Variants in ABCD2 observed in about 807,000 individuals in gnomAD.
ABCD2 encodes the protein ATP binding cassette subfamily D member 2.
Under a neutral mutation model 70.9 loss-of-function variants are expected in ABCD2, and 36 were observed. The observed-to-expected ratio is 0.51, with a 90% CI of 0.39 to 0.67. The LOEUF (loss-of-function observed/expected upper bound fraction) is 0.67. Among genes scored for constraint, ABCD2 ranks in the 30% least tolerant of loss-of-function variants. The pLI, the probability that ABCD2 is intolerant of heterozygous loss-of-function variation, is 0.00. For synonymous variants in ABCD2, 304 were observed against 306.9 expected (o/e 0.99, Z 0.10); for missense variants, 729 against 890.2 (o/e 0.82, Z 2.30).
chr12:39,577,298 T>C (rs1941532711), intron 8 of ABCD2, among the ~76,000 whole-genome samples: 1 of 152,210 alleles, frequency 6.6e-6, no homozygotes, highest in South Asian at 2.1e-4. Flanking sequence ...TTATGCTATG[T>C]TCTTATTCAA....
chr12:39,545,778 C>CT (rs1941020240), downstream of ABCD2, among the ~76,000 whole-genome samples: 1 of 152,064 alleles, frequency 6.6e-6, no homozygotes. Flanking sequence ...GGAAAGACCT[C>CT]TTTATGGTCA....
At chr12:39,568,522 A>T (rs2120576323) in intron 9 of ABCD2, among the ~76,000 whole-genome samples, 1 of 152,024 alleles carries the variant, frequency 6.6e-6, no homozygotes. Context: ...CTAGCTAGCC[A>T]TTCGTCTAAT....
rs368287634 is a variant in ABCD2, at chr12:39,575,224, T to C, written c.1878-1383A>G. 3.3e-5 allele frequency among the ~76,000 whole-genome samples: 5 copies of C among 152,280 alleles called. No individual in the cohort carries two copies. The East Asian group carries it at 9.6e-4, about 29-fold the overall frequency. On this transcript the variant is annotated intron_variant, in intron 8 of 9. Coordinates refer to ENST00000308666, the MANE Select transcript of ABCD2 (RefSeq NM_005164.4). ...TTTTGGCTTATTTTTCAGAGTGCCTTGATCGAAACAGAGAAAATATACCAT... is the reference window on the plus strand; with the variant it reads ...TTTTGGCTTATTTTTCAGAGTGCCTCGATCGAAACAGAGAAAATATACCAT...
At chr12:39,592,529 A>C (rs1249050908) in intron 6 of ABCD2, among the ~76,000 whole-genome samples, 2 of 152,220 alleles carry the variant, frequency 1.3e-5, no homozygotes, top group Non-Finnish European at 2.9e-5. Context: ...AATCTATAAA[A>C]GTTTGTTCAA....
rs75959957 is a variant in ABCD2, at chr12:39,616,601, G to T, written c.1120+387C>A. Among the ~76,000 whole-genome samples, 539 of 152,156 alleles carry T rather than the reference G, an allele frequency of 3.5e-3. 4 individuals are homozygous for T. The highest frequency in any genetic ancestry group is 0.027 in the East Asian group (139 of 5,166). ...AGAATATTTATAGACTAAATGTATG[G>T]GATGTATAGAACTAATGTTTATAAC... On this transcript the variant is annotated intron_variant, in intron 2 of 9. Coordinates refer to ENST00000308666, the MANE Select transcript of ABCD2 (RefSeq NM_005164.4).
At chr12:39,570,088 CACAT>C (rs1941424865) in intron 9 of ABCD2, among the ~76,000 whole-genome samples, 1 of 152,136 alleles carries the variant, frequency 6.6e-6, no homozygotes, top group Admixed American at 6.5e-5. Context: ...GAAGAAGACA[CACAT>C]ACACAAATAA....
At chr12:39,572,245 C>A (rs1591976108) in intron 9 of ABCD2, among the ~76,000 whole-genome samples, 1 of 152,276 alleles carries the variant, frequency 6.6e-6, no homozygotes, top group South Asian at 2.1e-4. Context: ...GTCAGAAAAA[C>A]TCCAAGCCTA....
At chr12:39,568,642 C>G (rs1052092344) in intron 9 of ABCD2, among the ~76,000 whole-genome samples, 1 of 152,148 alleles carries the variant, frequency 6.6e-6, no homozygotes, top group African/African-American at 2.4e-5. Flanking sequence ...AAGTCATTTT[C>G]CATCCAGCTT....
rs1300934205 is a variant in ABCD2 at position 39,619,267 on chromosome 12, T to C, written c.349A>G (p.Arg117Gly). ...LCLHSVALIS[R>G]TFLSIYVAGL... ...GCCACATAGATAGAAAGAAAGGTTC[T>C]TGAGATTAGAGCCACTGAGTGCAGG... is the stretch of plus-strand genomic sequence containing the variant. The change falls in exon 1 of 10, where the codon AGA becomes GGA. Residue 117 changes from arginine (R) to glycine (G), a missense_variant. Transcript: ENST00000308666. 17 of 1,614,076 alleles carry C rather than the reference T, an allele frequency of 1.1e-5. No homozygotes were observed. The highest frequency in any genetic ancestry group is 1.4e-5 in the Non-Finnish European group (17 of 1,180,040).
chr12:39,582,828 A>G (rs980138236), intron 7 of ABCD2, among the ~76,000 whole-genome samples: 5 of 152,044 alleles, frequency 3.3e-5, no homozygotes, highest in African/African-American at 1.2e-4. Context: ...CAGTATCAAT[A>G]TTACAACTAC....
intron 9 of ABCD2, among the ~76,000 whole-genome samples, chr12:39,564,334 A>C (rs993234585): frequency 9.2e-5 from 14 of 152,170 alleles, no homozygotes; most frequent in African/African-American, 3.4e-4. Context: ...CTGGTGTGAG[A>C]TGGTATCTCA....
At chr12:39,607,192 A>G (rs1171158332) in intron 3 of ABCD2, among the ~76,000 whole-genome samples, 1 of 152,214 alleles carries the variant, frequency 6.6e-6, no homozygotes, top group Non-Finnish European at 1.5e-5. Flanking sequence ...TCAACTCACA[A>G]CAACCCCACA....
intron 9 of ABCD2, among the ~76,000 whole-genome samples, chr12:39,571,533 T>G (rs1941448748): frequency 6.6e-6 from 1 of 152,162 alleles, no homozygotes; most frequent in African/African-American, 2.4e-5. Context: ...AACACCACCT[T>G]CGATGTATAA....
At chr12:39,577,742 T>G (rs1323057544) in intron 8 of ABCD2, among the ~76,000 whole-genome samples, 2 of 152,178 alleles carry the variant, frequency 1.3e-5, no homozygotes, top group Admixed American at 6.5e-5. Flanking sequence ...TATCCTAATA[T>G]TTCAGAGACT....
intron 2 of ABCD2, among the ~76,000 whole-genome samples, chr12:39,615,074 T>C (rs73268359): frequency 0.18 from 26,647 of 151,936 alleles, 2,931 homozygotes; most frequent in African/African-American, 0.32. Flanking sequence ...TTAAATATAT[T>C]ATTACATCTT....
At chr12:39,568,597 T>A (rs560200792) in intron 9 of ABCD2, among the ~76,000 whole-genome samples, 11 of 152,288 alleles carry the variant, frequency 7.2e-5, no homozygotes, top group African/African-American at 2.2e-4. Context: ...TCGGAGTAGT[T>A]TGATCATCTG....
At chr12:39,613,385 C>CAAAAAAAAAAAAAAA (rs71075064) in intron 2 of ABCD2, among the ~76,000 whole-genome samples, 1 of 23,606 alleles carries the variant, frequency 4.2e-5, no homozygotes, top group Non-Finnish European at 6.1e-5. Context: ...GACTCCGTCT[C>CAAAAAAAAAAAAAAA]AAAAAAAAAA....
At chr12:39,592,421 G>A (rs1466571845) in intron 6 of ABCD2, among the ~76,000 whole-genome samples, 1 of 152,140 alleles carries the variant, frequency 6.6e-6, no homozygotes, top group Non-Finnish European at 1.5e-5. Context: ...CATTCATTCA[G>A]TCAATCACTT....
At chr12:39,570,603 A>G (rs1233960956) in intron 9 of ABCD2, among the ~76,000 whole-genome samples, 1 of 152,220 alleles carries the variant, frequency 6.6e-6, no homozygotes, top group African/African-American at 2.4e-5. Context: ...AAAGACTTCA[A>G]TGCAAGACCT....
Sources: allele counts gnomAD v4.1 joint callset (sites outside exome capture counted in the v4.1 genomes callset), GRCh38; gene constraint gnomAD v4.1.1; transcripts MANE v1.5; gene names NCBI Gene and HGNC (gene_info 2026-07-23, HGNC 2026-07-21).